Variants in PLIN2 observed in about 807,000 individuals in gnomAD.
The protein encoded by PLIN2 is perilipin-2.
Under a neutral mutation model 30.6 loss-of-function variants are expected in PLIN2, and 33 were observed. The ratio of observed to expected loss-of-function variants is 1.08; its 90% CI spans 0.82 to 1.44. The LOEUF is 1.44. Ranked by LOEUF, PLIN2 falls within the 40% of genes most tolerant of loss-of-function variation. The pLI, the probability that PLIN2 is intolerant of heterozygous loss-of-function variation, is 0.00. For synonymous variants in PLIN2, 205 were observed against 201.1 expected, an observed-to-expected ratio of 1.02 and a Z score of -0.16; for missense variants, 610 against 531.8, an observed-to-expected ratio of 1.15 and a Z score of -1.45.
chr9:19,111,333 C>G (rs1424513402), downstream of PLIN2, among the ~76,000 whole-genome samples: 1 of 152,176 alleles, frequency 6.6e-6, no homozygotes, highest in African/African-American at 2.4e-5. Flanking sequence ...CAGGCATGAG[C>G]CACCGCACCT....
chr9:19,114,215 G>A (rs754541046), downstream of PLIN2, among the ~76,000 whole-genome samples: 4 of 151,052 alleles, frequency 2.6e-5, no homozygotes, highest in Non-Finnish European at 5.9e-5. Context: ...GTGCCTGGTC[G>A]ATAAAAAACT....
At chr9:19,111,328 A>G (rs1297418590), downstream of PLIN2, among the ~76,000 whole-genome samples, 4 of 152,138 alleles carry the variant, frequency 2.6e-5, no homozygotes. Flanking sequence ...GATTACAGGC[A>G]TGAGCCACCG....
At chr9:19,120,175 C>T (rs565791664) in intron 5 of PLIN2, among the ~76,000 whole-genome samples, 1 of 152,130 alleles carries the variant, frequency 6.6e-6, no homozygotes, top group Admixed American at 6.6e-5. Context: ...CCTCTCACCT[C>T]AGCCTCCCGA....
chr9:19,113,638 A>T (rs528237041), downstream of PLIN2, among the ~76,000 whole-genome samples: 347 of 151,440 alleles, frequency 2.3e-3, no homozygotes, highest in South Asian at 0.023. Flanking sequence ...CAGTGTCACA[A>T]TCTCGGCTCA....
chr9:19,111,581 C>CA (rs1456312244), downstream of PLIN2, among the ~76,000 whole-genome samples: 1 of 152,078 alleles, frequency 6.6e-6, no homozygotes, highest in Middle Eastern at 3.4e-3. Context: ...GTCAAGTTGA[C>CA]ACCATTTTTT....
At chr9:19,126,486 G>T in intron 1 of PLIN2, 38 bp from the exon 2 acceptor site, 2 of 1,319,708 alleles carry the variant, frequency 1.5e-6, no homozygotes, top group South Asian at 1.2e-5. Flanking sequence ...ACCGGGATAA[G>T]ACTCTCCCAA....
At chr9:19,124,956 C>T (rs1027167123) in intron 3 of PLIN2, among the ~76,000 whole-genome samples, 4 of 152,170 alleles carry the variant, frequency 2.6e-5, no homozygotes, top group East Asian at 1.9e-4. Flanking sequence ...TTATGCTTAA[C>T]GAAAGAAGCC....
rs2131183878 is a variant in PLIN2, at chr9:19,123,594, GTC to G, written c.278_279del (p.Arg93ThrfsTer68). 6.2e-7 allele frequency: 1 copy of G among 1,614,226 alleles called. No individual in the cohort carries two copies. The highest frequency in any genetic ancestry group is 2.2e-5 in the East Asian group (1 of 44,886). On this transcript the variant is annotated frameshift_variant, in exon 4 of 8. Transcript: ENST00000276914. LOFTEE classifies it high-confidence loss of function. ...GTTGATGGCTGATTCAGAATAGGCAGTCTCTCCTCAATCCTGTCTAGCCCCTT... is the reference window on the plus strand; with the variant it reads ...GTTGATGGCTGATTCAGAATAGGCAGTCTCCTCAATCCTGTCTAGCCCCTT... ...ACKGLDRIEE[R>X]LPILNQPSTQ...
At chr9:19,120,822 G>T in intron 5 of PLIN2, 58 bp downstream of exon 5, 1 of 1,339,798 alleles carries the variant, frequency 7.5e-7, no homozygotes, top group Non-Finnish European at 1.1e-6. Context: ...ATATGTCAAT[G>T]AAGCTGTTTA....
Position 19,116,441 on chromosome 9 carries a change from C to G in PLIN2, c.1121G>C (p.Ser374Thr). 6.2e-7 allele frequency: 1 copy of G among 1,614,146 alleles called. No individual in the cohort carries two copies. The highest frequency in any genetic ancestry group is 8.5e-7 in the Non-Finnish European group (1 of 1,180,002). The change falls in exon 8 of 8, where the codon AGC becomes ACC. Residue 374 changes from serine (S) to threonine (T), a missense_variant. Transcript: ENST00000276914. ...CTTCATTTTCTGCAGCTGCCCCTTG[C>G]TAGAAGTGAGGAGGCTGTCAGACAC... is the stretch of plus-strand genomic sequence containing the variant. ...KEVSDSLLTS[S>T]KGQLQKMKES...
At chr9:19,110,635 C>A (rs973596247) in intron 2 of PLIN2, among the ~76,000 whole-genome samples, 1 of 151,556 alleles carries the variant, frequency 6.6e-6, no homozygotes, top group African/African-American at 2.4e-5. Flanking sequence ...GCCACCACAC[C>A]CGGCTAATTT....
downstream of PLIN2, among the ~76,000 whole-genome samples, chr9:19,113,579 CT>C (rs371242536): frequency 6.5e-3 from 894 of 137,246 alleles, 1 homozygote; most frequent in South Asian, 0.033. Context: ...TTGATAAAAA[CT>C]TTTTTTTTTT....
At chr9:19,123,694 A>G (rs1055062701) in intron 3 of PLIN2, 47 bp from the exon 4 acceptor site, 5 of 1,500,838 alleles carry the variant, frequency 3.3e-6, no homozygotes, top group Admixed American at 3.5e-5. Context: ...ATAGGTATAG[A>G]ATGAACACAC....
intron 6 of PLIN2, among the ~76,000 whole-genome samples, chr9:19,118,713 A>G (rs1035964560): frequency 3.3e-5 from 5 of 152,172 alleles, no homozygotes; most frequent in African/African-American, 1.2e-4. Context: ...TAAAGCAACT[A>G]AAAAACTACA....
intron 5 of PLIN2, among the ~76,000 whole-genome samples, chr9:19,120,406 T>C (rs890342642): frequency 2.0e-5 from 3 of 152,170 alleles, no homozygotes; most frequent in African/African-American, 7.2e-5. Context: ...TAATGATGAT[T>C]CTTTGTAAGG....
Position 19,116,365 on chromosome 9 carries a change from G to C in PLIN2, c.1197C>G (p.Asn399Lys). 6.2e-7 allele frequency: 1 copy of C among 1,614,212 alleles called. No homozygotes were observed. Among genetic ancestry groups the C allele is most frequent in the Non-Finnish European group, 8.5e-7 (1 of 1,180,034 alleles). Residue 399 changes from asparagine (N) to lysine (K), a missense_variant, in exon 8 of 8, where the codon AAC (asparagine) becomes AAG (lysine). By Grantham distance (94) the Asn-to-Lys change is moderately conservative. Coordinates refer to ENST00000276914, the MANE Select transcript of PLIN2 (RefSeq NM_001122.4). ...GAGGATAAAAGGGACCTACCAGCCA[G>C]TTGAGGGGCGTGTTGTTAACAAGAT... ...MDYLVNNTPL[N>K]WLVGPFYPQL...
chr9:19,122,767 C>A (rs376008188), intron 4 of PLIN2, among the ~76,000 whole-genome samples: 5 of 152,034 alleles, frequency 3.3e-5, no homozygotes, highest in African/African-American at 9.7e-5. Context: ...GAACTGTGCA[C>A]GTGCATGCTC....
rs745938132 is a variant in PLIN2, at chr9:19,123,608, C to T, written c.266G>A (p.Arg89Lys). 5 of 1,614,182 alleles carry T rather than the reference C, an allele frequency of 3.1e-6. No homozygotes were observed. The highest frequency in any genetic ancestry group is 3.3e-4 in the Middle Eastern group (2 of 6,062). ...CAGAATAGGCAGTCTCTCCTCAATC[C>T]TGTCTAGCCCCTTACAGGCATAGGT... is the stretch of plus-strand genomic sequence containing the variant. Reference protein sequence around the residue: ...ANTYACKGLDRIEERLPILNQ... With the variant: ...ANTYACKGLDKIEERLPILNQ... Residue 89 changes from arginine to lysine, a missense_variant, in exon 4 of 8, where the codon AGG becomes AAG. Coordinates refer to ENST00000276914, the MANE Select transcript of PLIN2 (RefSeq NM_001122.4).
intron 4 of PLIN2, among the ~76,000 whole-genome samples, chr9:19,122,108 C>CAAAAAAAA (rs59357707): frequency 4.7e-5 from 3 of 63,354 alleles, no homozygotes; most frequent in South Asian, 7.5e-4. Flanking sequence ...GACTCTGTCT[C>CAAAAAAAA]AAAAAAAAAA....
Sources: allele counts gnomAD v4.1 joint callset (sites outside exome capture counted in the v4.1 genomes callset), GRCh38; gene constraint gnomAD v4.1.1; transcripts MANE v1.5; gene names NCBI Gene and HGNC (gene_info 2026-07-23, HGNC 2026-07-21).